The following CISD2 variants were observed in gnomAD, a reference collection of about 807,000 sequenced individuals.
CISD2 encodes the protein CDGSH iron-sulfur domain-containing protein 2.
In CISD2, 1 loss-of-function variant was observed where a neutral mutation model predicts 12.9. The ratio of observed to expected loss-of-function variants is 0.08; its 90% CI spans 0.03 to 0.37. The LOEUF is 0.37. CISD2 is among the 10% of genes least tolerant of loss of function. The pLI is 0.99. For synonymous variants in CISD2, 50 were observed against 60.6 expected (o/e 0.83, Z 0.81); for missense variants, 97 against 163.1 (o/e 0.59, Z 2.21).
rs1415927142 is a variant in CISD2 at position 102,888,781 on chromosome 4, C to T, written c.*1351C>T. Reference sequence around the variant, plus strand: ...CCTAGTGCTCCGCCTCTGCTGGGCTCTGTAGGGAATCCTTTCTGTTGTAAA... The same window carrying T: ...CCTAGTGCTCCGCCTCTGCTGGGCTTTGTAGGGAATCCTTTCTGTTGTAAA... On this transcript the variant is annotated 3_prime_UTR_variant, in exon 3 of 3. Coordinates refer to ENST00000273986, the MANE Select transcript of CISD2 (RefSeq NM_001008388.5). 6.6e-6 allele frequency: 1 copy of T among 152,222 alleles called. No individual in the cohort carries two copies. The highest frequency in any genetic ancestry group is 1.5e-5 in the Non-Finnish European group (1 of 68,038). 9.4% of individuals were successfully genotyped at this position (152,222 alleles called of 1,614,324 possible).
chr4:102,870,356 C>T (rs1162082821), intron 1 of CISD2, among the ~76,000 whole-genome samples: 1 of 151,800 alleles, frequency 6.6e-6, no homozygotes, highest in Non-Finnish European at 1.5e-5. Flanking sequence ...TGTGGTGCTT[C>T]AGTGATAGCC....
intron 1 of CISD2, among the ~76,000 whole-genome samples, chr4:102,877,010 C>T (rs1278792069): frequency 6.6e-6 from 1 of 152,136 alleles, no homozygotes; most frequent in African/African-American, 2.4e-5. Flanking sequence ...CAGTTTCCTC[C>T]CTCAACATGT....
chr4:102,875,145 A>G (rs1733563987), intron 1 of CISD2, among the ~76,000 whole-genome samples: 1 of 152,246 alleles, frequency 6.6e-6, no homozygotes, highest in Non-Finnish European at 1.5e-5. Context: ...CAGACACTTA[A>G]TGCATGTCAT....
At chr4:102,881,642 T>C (rs1335886331) in intron 1 of CISD2, among the ~76,000 whole-genome samples, 1 of 152,228 alleles carries the variant, frequency 6.6e-6, no homozygotes, top group East Asian at 1.9e-4. Context: ...ATTGCTTTCA[T>C]GTATAAAGTT....
chr4:102,879,069 T>A (rs1733654774), intron 1 of CISD2, among the ~76,000 whole-genome samples: 1 of 151,930 alleles, frequency 6.6e-6, no homozygotes, highest in Non-Finnish European at 1.5e-5. Context: ...AAGAGCCCAT[T>A]TTAAAACCAG....
At chr4:102,877,796 G>A (rs879493129) in intron 1 of CISD2, among the ~76,000 whole-genome samples, 1 of 152,184 alleles carries the variant, frequency 6.6e-6, no homozygotes, top group Admixed American at 6.5e-5. Flanking sequence ...GCACCCACAG[G>A]CCCAACACCA....
rs1733994477 is a variant in CISD2 at position 102,887,562 on chromosome 4, T to G, written c.*132T>G. On this transcript the variant is annotated 3_prime_UTR_variant, in exon 3 of 3. Coordinates refer to ENST00000273986, the MANE Select transcript of CISD2 (RefSeq NM_001008388.5). ...CTGCACTACTGTTTGTATTTGATCC[T>G]TTGTCTATTCAGTCACTTAATTAGA... 3 of 564,840 alleles carry G rather than the reference T, an allele frequency of 5.3e-6. No individual in the cohort carries two copies. Among genetic ancestry groups the G allele is most frequent in the Non-Finnish European group, 9.5e-6 (3 of 314,534 alleles). The allele number at this position is 564,840 out of a possible 1,614,324, so 35.0% of individuals were successfully genotyped here.
At chr4:102,877,284 A>G (rs1447254605) in intron 1 of CISD2, among the ~76,000 whole-genome samples, 14 of 152,248 alleles carry the variant, frequency 9.2e-5, no homozygotes, top group Non-Finnish European at 2.1e-4. Flanking sequence ...TTAAGATACA[A>G]TGGCAGTACA....
intron 1 of CISD2, among the ~76,000 whole-genome samples, chr4:102,874,246 AAC>A (rs1373318298): frequency 6.6e-6 from 1 of 152,192 alleles, no homozygotes; most frequent in Admixed American, 6.5e-5. Context: ...AAAACCAAAT[AAC>A]ACATATTCTT....
chr4:102,887,709 T>C lies in CISD2; in HGVS notation c.*279T>C, dbSNP rs1162971680. The C allele has an allele frequency of 4.3e-6, 1 of 230,916 alleles. No homozygotes were observed. The highest frequency in any genetic ancestry group is 2.3e-5 in the African/African-American group (1 of 43,814). The allele number at this position is 230,916 out of a possible 1,614,324, so 14.3% of individuals were successfully genotyped here. On this transcript the variant is annotated 3_prime_UTR_variant, in exon 3 of 3. Transcript: ENST00000273986. The stretch of plus-strand genomic sequence containing the variant: ...GTGGCTATGGATCCAAAGCTGTTTG[T>C]TTCTTTGAATATCAATATTTTCAAC...
intron 1 of CISD2, among the ~76,000 whole-genome samples, chr4:102,870,516 G>T (rs1214253784): frequency 6.6e-6 from 1 of 152,092 alleles, no homozygotes; most frequent in East Asian, 1.9e-4. Context: ...TGGATTGTGA[G>T]ATTTTAATAT....
chr4:102,880,463 A>T (rs920048747), intron 1 of CISD2, among the ~76,000 whole-genome samples: 1 of 152,174 alleles, frequency 6.6e-6, no homozygotes, highest in Admixed American at 6.5e-5. Flanking sequence ...CATAAATGTT[A>T]TTTTTTATAA....
At chr4:102,869,754 C>T (rs1472350356) in intron 1 of CISD2, among the ~76,000 whole-genome samples, 2 of 152,142 alleles carry the variant, frequency 1.3e-5, no homozygotes, top group Non-Finnish European at 2.9e-5. Context: ...AGGTCATCTC[C>T]GTTTCTACGG....
intron 1 of CISD2, among the ~76,000 whole-genome samples, chr4:102,879,694 C>T (rs1359430015): frequency 1.3e-5 from 2 of 152,030 alleles, no homozygotes; most frequent in Admixed American, 6.6e-5. Context: ...ATCGCTTGAA[C>T]CCGGGAGGCA....
intron 1 of CISD2, 136 bp downstream of exon 1, chr4:102,869,323 G>T: frequency 1.6e-6 from 2 of 1,223,184 alleles, no homozygotes; most frequent in Non-Finnish European, 2.3e-6. Context: ...GAGGAAGGTG[G>T]GCGCGCGCCG....
chr4:102,885,156 C>T lies in CISD2; in HGVS notation c.104-60C>T. The T allele has an allele frequency of 3.9e-6, 5 of 1,281,322 alleles. No homozygotes were observed. In the South Asian group the frequency reaches 5.9e-5, roughly 15 times the overall value. The allele number at this position is 1,281,322 out of a possible 1,614,324, so 79.4% of individuals were successfully genotyped here. A position where few individuals can be genotyped will look rare whatever the true frequency, so the allele number is the denominator to read the frequency against. On this transcript the variant is annotated intron_variant, in intron 1 of 2. Transcript: ENST00000273986. ...GAATAAGCTCAAGGATGAAACTAGA[C>T]ATGCTATTTTGAATTCTTTTCCAAG...
intron 1 of CISD2, among the ~76,000 whole-genome samples, chr4:102,879,722 A>G (rs1364347014): frequency 1.3e-5 from 2 of 152,124 alleles, no homozygotes; most frequent in Non-Finnish European, 2.9e-5. Context: ...CAGTGAGCCA[A>G]GATCATGCCA....
intron 1 of CISD2, among the ~76,000 whole-genome samples, chr4:102,880,731 G>T (rs1321414256): frequency 1.3e-5 from 2 of 151,708 alleles, no homozygotes; most frequent in Admixed American, 6.6e-5. Context: ...GGTGGCTCAC[G>T]CCTGTAATCC....
intron 1 of CISD2, among the ~76,000 whole-genome samples, chr4:102,873,675 T>C (rs1351560681): frequency 6.9e-6 from 1 of 145,174 alleles, no homozygotes; most frequent in Non-Finnish European, 1.5e-5. Context: ...GGCAAGAGAA[T>C]TGCTTGAGTC....
Sources: gnomAD v4.1 joint callset for allele counts (sites outside exome capture counted in the v4.1 genomes callset) on GRCh38, gnomAD v4.1.1 for gene constraint, MANE v1.5 for transcripts, NCBI Gene and HGNC (gene_info 2026-07-23, HGNC 2026-07-21) for gene names.